CACNB2: variants seen among roughly 807,000 people sequenced by gnomAD.
CACNB2 encodes voltage-dependent L-type calcium channel subunit beta-2.
Under a neutral mutation model 73.3 loss-of-function variants are expected in CACNB2, and 42 were observed. The observed-to-expected ratio is 0.57, with a 90% confidence interval of 0.45 to 0.74. CACNB2 has a LOEUF of 0.74. Ranked by LOEUF, CACNB2 falls within the 30% of genes least tolerant of loss-of-function variation. The pLI is 0.00. For missense variants in CACNB2, 940 were observed against 853.0 expected (o/e 1.10, Z -1.27); for synonymous variants, 348 against 310.3 (o/e 1.12, Z -1.28).
At chr10:18,465,786 G>T (rs368115703) in intron 3 of CACNB2, among the ~76,000 whole-genome samples, 6 of 151,036 alleles carry the variant, frequency 4.0e-5, no homozygotes, top group African/African-American at 1.5e-4. Context: ...GGTTCAAGTA[G>T]TTCTCCTGCC....
chr10:18,479,228 T>C (rs532485358), intron 3 of CACNB2, among the ~76,000 whole-genome samples: 2 of 152,326 alleles, frequency 1.3e-5, no homozygotes, highest in African/African-American at 4.8e-5. Context: ...AATCTGTGTG[T>C]ATATGTATAT....
intron 3 of CACNB2, among the ~76,000 whole-genome samples, chr10:18,445,304 C>T (rs1273145206): frequency 2.0e-5 from 3 of 152,164 alleles, no homozygotes; most frequent in Admixed American, 6.6e-5. Context: ...TCTTGAACTA[C>T]GGTGTTTATA....
intron 2 of CACNB2, among the ~76,000 whole-genome samples, chr10:18,375,111 G>A (rs190523468): frequency 1.3e-5 from 2 of 152,114 alleles, no homozygotes; most frequent in East Asian, 1.9e-4. Flanking sequence ...CCAGCTACTC[G>A]GGAGGCAGGA....
chr10:18,335,783 A>AC (rs1303510868), intron 2 of CACNB2, among the ~76,000 whole-genome samples: 3 of 80,114 alleles, frequency 3.7e-5, no homozygotes, highest in East Asian at 4.2e-4. Context: ...GACAGCAAGA[A>AC]AACACACACA....
At chr10:18,250,116 T>C (rs2037030100) in intron 2 of CACNB2, among the ~76,000 whole-genome samples, 1 of 152,234 alleles carries the variant, frequency 6.6e-6, no homozygotes, top group Non-Finnish European at 1.5e-5. Flanking sequence ...ACGAACACTT[T>C]AGACCAAGCC....
At chr10:18,463,361 T>TAA (rs34004367) in intron 3 of CACNB2, among the ~76,000 whole-genome samples, 25 of 147,598 alleles carry the variant, frequency 1.7e-4, no homozygotes, top group Middle Eastern at 3.4e-3. Context: ...TCTTATCTAT[T>TAA]AAAAAAAAAA....
Position 18,480,861 on chromosome 10 carries a change from G to A in CACNB2, c.334-17494G>A, listed in dbSNP as rs148156471. ...AAACACTTTTTCTAACCACATAGGA[G>A]ACTTACATAAACATCTTTTGGTCAA... On this transcript the variant is annotated intron_variant, in intron 3 of 13. Transcript: ENST00000324631. 5.9e-3 allele frequency among the ~76,000 whole-genome samples: 894 copies of A among 152,240 alleles called. 6 individuals are homozygous for A. Among genetic ancestry groups the A allele is most frequent in the African/African-American group, 0.02 (813 of 41,558 alleles).
chr10:18,189,965 C>T (rs1473047435), intron 2 of CACNB2, among the ~76,000 whole-genome samples: 1 of 152,138 alleles, frequency 6.6e-6, no homozygotes, highest in Non-Finnish European at 1.5e-5. Context: ...CAGTTGAGTT[C>T]ATAAGTATGT....
At chr10:18,208,869 T>G (rs1386049372) in intron 2 of CACNB2, among the ~76,000 whole-genome samples, 1 of 152,094 alleles carries the variant, frequency 6.6e-6, no homozygotes, top group Non-Finnish European at 1.5e-5. Context: ...TCTAAAGAAT[T>G]CTAAGGAACT....
rs2054068331 is a variant in CACNB2, at chr10:18,541,553, C to A, written c.*1829C>A. 1 of 152,118 alleles carries A rather than the reference C, an allele frequency of 6.6e-6. No individual in the cohort carries two copies. The highest frequency in any genetic ancestry group is 6.5e-5 in the Admixed American group (1 of 15,274). 9.4% of individuals were successfully genotyped at this position (152,118 alleles called of 1,614,324 possible). ...ATAATTACCTAACTTCAGATCTGCA[C>A]ATTAACTTATTTAACAAAATAAATC... On this transcript the variant is annotated 3_prime_UTR_variant, in exon 14 of 14. Coordinates refer to ENST00000324631, the MANE Select transcript of CACNB2 (RefSeq NM_201596.3).
intron 2 of CACNB2, among the ~76,000 whole-genome samples, chr10:18,228,595 G>A (rs955889576): frequency 2.0e-5 from 3 of 152,114 alleles, no homozygotes; most frequent in African/African-American, 7.2e-5. Context: ...GGTCTTTCAC[G>A]TCCTGGATGT....
intron 3 of CACNB2, among the ~76,000 whole-genome samples, chr10:18,476,570 A>G (rs987386080): frequency 6.6e-5 from 10 of 152,166 alleles, no homozygotes; most frequent in Admixed American, 5.2e-4. Context: ...CGATGTTATG[A>G]AGTTGCACCC....
rs535639993 is a variant in CACNB2, at chr10:18,339,300, C to T, written c.214-62624C>T. ...CTTTGGGAGGCCAAGGCAGGCAGAT[C>T]GCTTGAGGTCAGGAGTTCGAGACTA... On this transcript the variant is annotated intron_variant, in intron 2 of 13. Coordinates refer to ENST00000324631, the MANE Select transcript of CACNB2 (RefSeq NM_201596.3). Among the ~76,000 whole-genome samples the T allele has an allele frequency of 2.6e-5, 4 of 152,182 alleles. No individual in the cohort carries two copies. The East Asian group carries it at 5.8e-4, about 22-fold the overall frequency.
chr10:18,391,894 C>CTCCA (rs1357724254), intron 2 of CACNB2, among the ~76,000 whole-genome samples: 2 of 139,244 alleles, frequency 1.4e-5, no homozygotes, highest in African/African-American at 5.4e-5. Flanking sequence ...TGCCACTGCA[C>CTCCA]TCCAGCCTGA....
At chr10:18,516,283 G>A (rs1021012803) in intron 7 of CACNB2, among the ~76,000 whole-genome samples, 1 of 151,922 alleles carries the variant, frequency 6.6e-6, no homozygotes, top group African/African-American at 2.4e-5. Flanking sequence ...AAATGATGGC[G>A]TCATTCTTCA....
At position 18,303,275 on chromosome 10, in the gene CACNB2, C is replaced by T. The variant is rs535983792; in HGVS notation, c.214-98649C>T. On this transcript the variant is annotated intron_variant, in intron 2 of 13. Transcript: ENST00000324631. ...CCCAGCACTTCGGGAGGCCAAGGTGCGAGGATCACTTGAGCTGAGGAGTTC... is the reference window on the plus strand; with the variant it reads ...CCCAGCACTTCGGGAGGCCAAGGTGTGAGGATCACTTGAGCTGAGGAGTTC... 1.3e-4 allele frequency among the ~76,000 whole-genome samples: 20 copies of T among 152,178 alleles called. No homozygotes were observed. In the South Asian group the frequency reaches 1.5e-3, roughly 11 times the overall value.
At chr10:18,151,162 TAC>T in intron 2 of CACNB2, 187 bp downstream of exon 2, 1 of 537,706 alleles carries the variant, frequency 1.9e-6, no homozygotes. Context: ...AAGTAATAAT[TAC>T]ACTCTTTCCT....
intron 2 of CACNB2, among the ~76,000 whole-genome samples, chr10:18,176,230 G>C (rs2033582298): frequency 6.6e-6 from 1 of 152,022 alleles, no homozygotes; most frequent in Non-Finnish European, 1.5e-5. Context: ...TTATTGCGGG[G>C]GTCAGTAACC....
intron 2 of CACNB2, among the ~76,000 whole-genome samples, chr10:18,318,911 C>T (rs1330812947): frequency 6.6e-6 from 1 of 152,218 alleles, no homozygotes; most frequent in African/African-American, 2.4e-5. Context: ...CATCTCACAT[C>T]AGTCAGAATG....
Sources: gnomAD v4.1 joint callset for allele counts (sites outside exome capture counted in the v4.1 genomes callset) on GRCh38, gnomAD v4.1.1 for gene constraint, MANE v1.5 for transcripts, NCBI Gene and HGNC (gene_info 2026-07-23, HGNC 2026-07-21) for gene names.